The following PELO variants were observed in gnomAD, a reference collection of about 807,000 sequenced individuals.
PELO encodes protein pelota homolog.
A neutral mutation model predicts 25.9 loss-of-function variants in PELO; 19 were observed. That is an observed-to-expected ratio of 0.73 (90% CI 0.51 to 1.08). The LOEUF (loss-of-function observed/expected upper bound fraction) is 1.08, where lower values mean the gene tolerates loss of function less well. Ranked by LOEUF, PELO falls within the 50% of genes least tolerant of loss-of-function variation. PELO has a pLI of 0.00. For synonymous variants in PELO, 196 were observed against 192.2 expected (o/e 1.02, Z -0.16); for missense variants, 498 against 491.4 (o/e 1.01, Z -0.13).
At chr5:52,789,752 GT>G (rs1411384578) in intron 1 of PELO, among the ~76,000 whole-genome samples, 1 of 152,016 alleles carries the variant, frequency 6.6e-6, no homozygotes, top group Non-Finnish European at 1.5e-5. Flanking sequence ...TGTTGTTTTT[GT>G]GCAAAATCTG....
chr5:52,800,606 C>G lies in PELO; in HGVS notation c.212C>G (p.Ala71Gly). ...ACTACCCTCACTCTCTGCGTGGAGG[C>G]CATCGACTTCGACTCTCAAGCCTGC... ...VRTTLTLCVE[A>G]IDFDSQACQL... is the part of the protein sequence containing the mutation. Residue 71 changes from alanine to glycine, a missense_variant, in exon 2 of 3, where the codon GCC becomes GGC. By Grantham distance (60) the Ala-to-Gly change is moderately conservative. Coordinates refer to ENST00000274311, the MANE Select transcript of PELO (RefSeq NM_015946.5). 1 of 1,613,658 alleles carries G rather than the reference C, an allele frequency of 6.2e-7. No individual in the cohort carries two copies.
chr5:52,800,661 A>G lies in PELO; in HGVS notation c.267A>G (p.Gln89=). The G allele has an allele frequency of 1.2e-6, 2 of 1,614,158 alleles. No homozygotes were observed. Among genetic ancestry groups the G allele is most frequent in the East Asian group, 2.2e-5 (1 of 44,858 alleles). The change falls in exon 2 of 3, where the codon CAA becomes CAG. Residue 89 remains glutamine (Q), a synonymous_variant. Transcript: ENST00000274311. ...CQLRVKGTNI[Q]ENEYVKMGAY... ...TGCGGGTTAAGGGGACCAACATCCA[A>G]GAGAATGAGTATGTCAAGATGGGGG...
At chr5:52,790,162 A>C (rs1748211448) in intron 1 of PELO, among the ~76,000 whole-genome samples, 1 of 152,134 alleles carries the variant, frequency 6.6e-6, no homozygotes, top group Non-Finnish European at 1.5e-5. Context: ...CATGCACACT[A>C]CTGTAGAGCT....
chr5:52,794,485 A>T (rs1748300880), intron 1 of PELO, among the ~76,000 whole-genome samples: 1 of 142,124 alleles, frequency 7.0e-6, no homozygotes, highest in Admixed American at 7.4e-5. Context: ...GTATAAGAAT[A>T]CATGCAAATA....
At chr5:52,799,025 G>T (rs1561210890) in intron 1 of PELO, among the ~76,000 whole-genome samples, 1 of 152,150 alleles carries the variant, frequency 6.6e-6, no homozygotes, top group Admixed American at 6.5e-5. Flanking sequence ...GCCAAACTCA[G>T]ATTCCTTCCT....
intron 1 of PELO, among the ~76,000 whole-genome samples, chr5:52,799,278 A>C (rs1322668252): frequency 6.6e-6 from 1 of 152,184 alleles, no homozygotes; most frequent in Admixed American, 6.5e-5. Context: ...ATTTTCTTTA[A>C]ATTATGTAGC....
At chr5:52,798,622 G>A (rs1207966826) in intron 1 of PELO, among the ~76,000 whole-genome samples, 1 of 152,094 alleles carries the variant, frequency 6.6e-6, no homozygotes, top group African/African-American at 2.4e-5. Context: ...AGGGTAGCAG[G>A]GGGAAAATAG....
rs1748481828 is a variant in PELO at position 52,801,442 on chromosome 5, A to G, written c.760A>G (p.Lys254Glu). Residue 254 changes from lysine (K) to glutamate (E), a missense_variant, in exon 3 of 3, where the codon AAA becomes GAA. Transcript: ENST00000274311. Reference sequence around the variant, plus strand: ...CTCCTCCGGACACAAGTACTCCCTGAAAGAGGCCCTTTGTGACCCTACTGT... The same window carrying G: ...CTCCTCCGGACACAAGTACTCCCTGGAAGAGGCCCTTTGTGACCCTACTGT... ...HASSGHKYSLKEALCDPTVAS... is the reference protein window; with the variant it reads ...HASSGHKYSLEEALCDPTVAS... 1.9e-6 allele frequency: 3 copies of G among 1,613,938 alleles called. No individual in the cohort carries two copies. Among genetic ancestry groups the G allele is most frequent in the Non-Finnish European group, 8.5e-7 (1 of 1,179,950 alleles).
At chr5:52,792,747 C>T (rs1416435984) in intron 1 of PELO, among the ~76,000 whole-genome samples, 2 of 152,148 alleles carry the variant, frequency 1.3e-5, no homozygotes, top group Non-Finnish European at 2.9e-5. Context: ...TTTACCTACA[C>T]TTCTCTTCTG....
rs1185460365 is a variant in PELO at position 52,801,023 on chromosome 5, C to T, written c.629C>T (p.Pro210Leu). 2 of 1,614,166 alleles carry T rather than the reference C, an allele frequency of 1.2e-6. No individual in the cohort carries two copies. The highest frequency in any genetic ancestry group is 8.5e-7 in the Non-Finnish European group (1 of 1,180,026). ...GTAAAGTGCATCCTGGTGGCCAGCC[C>T]AGGATTTGTGAGGGAGCAGTTCTGC... is the stretch of plus-strand genomic sequence containing the variant. ...DVVKCILVAS[P>L]GFVREQFCDY... The change falls in exon 2 of 3, where the codon CCA becomes CTA. Residue 210 changes from proline (P) to leucine (L), a missense_variant. By Grantham distance (98) the Pro-to-Leu change is moderately conservative. Transcript: ENST00000274311.
Position 52,801,139 on chromosome 5 carries a change from G to C in PELO, c.726+19G>C. On this transcript the variant is annotated intron_variant, in intron 2 of 2. Coordinates refer to ENST00000274311, the MANE Select transcript of PELO (RefSeq NM_015946.5). ...TCTTCAGGTAAAACAATCTTACCCA[G>C]GGATAATTAAGAATGGGCAGAGGGA... The C allele has an allele frequency of 6.4e-7, 1 of 1,574,322 alleles. No individual in the cohort carries two copies. The highest frequency in any genetic ancestry group is 8.6e-7 in the Non-Finnish European group (1 of 1,159,216).
rs1053091342 is a variant in PELO, at chr5:52,803,277, A to G, written c.*1437A>G. The G allele has an allele frequency of 7.4e-4, 112 of 152,294 alleles. No homozygotes were observed. Among genetic ancestry groups the G allele is most frequent in the African/African-American group, 2.3e-3 (94 of 41,552 alleles). 9.4% of individuals were successfully genotyped at this position (152,294 alleles called of 1,614,324 possible). A position where few individuals can be genotyped will look rare whatever the true frequency, so the allele number is the denominator to read the frequency against. ...CACATATGTATATTTTTGTACATCT[A>G]TCTCCTAATTCAAAAGTAATTGAGA... is the stretch of plus-strand genomic sequence containing the variant. On this transcript the variant is annotated 3_prime_UTR_variant, in exon 3 of 3. Coordinates refer to ENST00000274311, the MANE Select transcript of PELO (RefSeq NM_015946.5).
At chr5:52,801,333 G>A in intron 2 of PELO, 76 bp from the exon 3 acceptor site, 1 of 1,321,042 alleles carries the variant, frequency 7.6e-7, no homozygotes, top group East Asian at 2.3e-5. Context: ...AGCGCTTTTG[G>A]CTTTAAGCCT....
chr5:52,801,993 G>A lies in PELO; in HGVS notation c.*153G>A, dbSNP rs753058928. On this transcript the variant is annotated 3_prime_UTR_variant, in exon 3 of 3. Coordinates refer to ENST00000274311, the MANE Select transcript of PELO (RefSeq NM_015946.5). ...TGGCTACACTAGATATTTTGTGATT[G>A]GCAAGACATGTATTTAAACAATAAA... 21 of 567,820 alleles carry A rather than the reference G, an allele frequency of 3.7e-5. No homozygotes were observed. Among genetic ancestry groups the A allele is most frequent in the Non-Finnish European group, 5.2e-5 (17 of 324,140 alleles). The allele number at this position is 567,820 out of a possible 1,614,324, so 35.2% of individuals were successfully genotyped here.
Position 52,801,860 on chromosome 5 carries a change from A to C in PELO, c.*20A>C, listed in dbSNP as rs777908967. On this transcript the variant is annotated 3_prime_UTR_variant, in exon 3 of 3. Coordinates refer to ENST00000274311, the MANE Select transcript of PELO (RefSeq NM_015946.5). ...GATTAATGATTGAAACTTAAAATTG[A>C]GACAATCTTGTGTTTCCTAAACTGT... 1.3e-6 allele frequency: 2 copies of C among 1,537,456 alleles called. No individual in the cohort carries two copies. The highest frequency in any genetic ancestry group is 1.8e-5 in the Admixed American group (1 of 54,106).
At chr5:52,793,959 G>T (rs761137663) in intron 1 of PELO, among the ~76,000 whole-genome samples, 3 of 151,982 alleles carry the variant, frequency 2.0e-5, no homozygotes, top group Non-Finnish European at 4.4e-5. Context: ...ATAGGAAGAA[G>T]ACTAATTTTA....
Position 52,800,796 on chromosome 5 carries a change from C to G in PELO, c.402C>G (p.Ser134Arg). Residue 134 changes from serine (S) to arginine (R), a missense_variant, in exon 2 of 3, where the codon AGC (serine) becomes AGG (arginine). Ser to Arg is a moderately radical substitution (Grantham distance 110, BLOSUM62 -1). Transcript: ENST00000274311. ...AGCAGGCCTGTGACCCAGCCTGGAG[C>G]GCTGATGTGGCGGCTGTGGTCATGC... ...RIEQACDPAW[S>R]ADVAAVVMQE... The G allele has an allele frequency of 6.2e-7, 1 of 1,612,802 alleles. No individual in the cohort carries two copies. Among genetic ancestry groups the G allele is most frequent in the Non-Finnish European group, 8.5e-7 (1 of 1,179,110 alleles).
In PELO at chr5:52,802,729, T is replaced by C. The variant is rs191748324; in HGVS notation, c.*889T>C. ...TGTCAAAGTTATACTTAATTCTGTT[T>C]TATATTTGTATGTGGCATTAATTTG... On this transcript the variant is annotated 3_prime_UTR_variant, in exon 3 of 3. Transcript: ENST00000274311. 2.0e-5 allele frequency: 3 copies of C among 152,324 alleles called. No homozygotes were observed. The highest frequency in any genetic ancestry group is 2.0e-4 in the Admixed American group (3 of 15,302). 9.4% of individuals were successfully genotyped at this position (152,324 alleles called of 1,614,324 possible).
In PELO at chr5:52,800,393, C is replaced by A. The variant is rs1748443505; in HGVS notation, c.-2C>A. ...TTCTGTCAGTGAGCCCCTTCCTTGG[C>A]CATGAAGCTCGTGAGGAAGAACATC... On this transcript the variant is annotated 5_prime_UTR_variant, in exon 2 of 3. Transcript: ENST00000274311. 8 of 1,613,764 alleles carry A rather than the reference C, an allele frequency of 5.0e-6. No homozygotes were observed. Among genetic ancestry groups the A allele is most frequent in the Non-Finnish European group, 5.9e-6 (7 of 1,179,982 alleles).
Sources: gnomAD v4.1 joint callset for allele counts (sites outside exome capture counted in the v4.1 genomes callset) on GRCh38, gnomAD v4.1.1 for gene constraint, MANE v1.5 for transcripts, NCBI Gene and HGNC (gene_info 2026-07-23, HGNC 2026-07-21) for gene names.